CD70: variants seen among roughly 807,000 people sequenced by gnomAD.
CD70 encodes CD70 molecule, also known as CD70 antigen.
CD70 carries 6 observed loss-of-function variants against 9.0 expected under a neutral mutation model. The ratio of observed to expected loss-of-function variants is 0.67; its 90% CI spans 0.37 to 1.32. The LOEUF (loss-of-function observed/expected upper bound fraction) is 1.32, where lower values mean the gene tolerates loss of function less well. Among genes scored for constraint, CD70 ranks in the 40% most tolerant of loss-of-function variants. The probability of loss-of-function intolerance (pLI) is 0.02; values close to 1 mark genes in which losing one functional copy is unlikely to be tolerated. For synonymous variants in CD70, 108 were observed against 112.3 expected, an observed-to-expected ratio of 0.96 and a Z score of 0.24; for missense variants, 235 against 258.7, an observed-to-expected ratio of 0.91 and a Z score of 0.63.
chr19:6,582,606 A>C (rs1417817767), downstream of CD70, among the ~76,000 whole-genome samples: 2 of 151,358 alleles, frequency 1.3e-5, no homozygotes, highest in Non-Finnish European at 2.9e-5. Flanking sequence ...GAGTGAGAAC[A>C]TGCGGTGTTT....
downstream of CD70, chr19:6,583,188 A>C (rs12459776): frequency 0.015 from 8,255 of 556,800 alleles, 397 homozygotes; most frequent in Admixed American, 0.13. Flanking sequence ...GTCCACTACT[A>C]TGTAGATGAA....
chr19:6,583,052 G>A, downstream of CD70: 1 of 331,562 alleles, frequency 3.0e-6, no homozygotes, highest in Non-Finnish European at 5.5e-6. Flanking sequence ...AGATTTGTGA[G>A]GGCGGGTGGC....
Position 6,585,923 on chromosome 19 carries a change from C to G in CD70, c.*97G>C. 3 of 857,242 alleles carry G rather than the reference C, an allele frequency of 3.5e-6. No homozygotes were observed. The highest frequency in any genetic ancestry group is 5.3e-6 in the Non-Finnish European group (3 of 561,838). The allele number at this position is 857,242 out of a possible 1,614,324, so 53.1% of individuals were successfully genotyped here. ...TGCCACCACTACCCCCCACCACACT[C>G]CCACCCCAACCCCGGGTGGCCCCTG... On this transcript the variant is annotated 3_prime_UTR_variant, in exon 3 of 3. Transcript: ENST00000245903.
chr19:6,582,110 A>C (rs1414593895), downstream of CD70, among the ~76,000 whole-genome samples: 1 of 151,254 alleles, frequency 6.6e-6, no homozygotes. Flanking sequence ...GCTCACTGCA[A>C]CCTCTGCCTC....
chr19:6,585,917 C>T lies in CD70; in HGVS notation c.*103G>A. ...TTGTCCTGCCACCACTACCCCCCAC[C>T]ACACTCCCACCCCAACCCCGGGTGG... On this transcript the variant is annotated 3_prime_UTR_variant, in exon 3 of 3. Coordinates refer to ENST00000245903, the MANE Select transcript of CD70 (RefSeq NM_001252.5). The T allele has an allele frequency of 2.5e-6, 2 of 785,378 alleles. No individual in the cohort carries two copies. The highest frequency in any genetic ancestry group is 4.0e-6 in the Non-Finnish European group (2 of 499,044). The allele number at this position is 785,378 out of a possible 1,614,324, so 48.7% of individuals were successfully genotyped here.
At chr19:6,589,036 G>A (rs564500399) in intron 2 of CD70, among the ~76,000 whole-genome samples, 3 of 152,274 alleles carry the variant, frequency 2.0e-5, no homozygotes, top group South Asian at 4.2e-4. Flanking sequence ...CGAATGTGAA[G>A]GACTGAGAGG....
At chr19:6,587,452 G>A (rs1306885861) in intron 2 of CD70, among the ~76,000 whole-genome samples, 1 of 151,838 alleles carries the variant, frequency 6.6e-6, no homozygotes, top group African/African-American at 2.4e-5. Context: ...GAGCTACAGA[G>A]CTCGAGAGTG....
At position 6,590,976 on chromosome 19, in the gene CD70, C is replaced by A. The variant is rs763748622; in HGVS notation, c.27G>T (p.Ser9=). Residue 9 remains serine, a synonymous_variant, in exon 1 of 3, where the codon TCG becomes TCT. Coordinates refer to ENST00000245903, the MANE Select transcript of CD70 (RefSeq NM_001252.5). This position sits in a 1 kb window ranked among gnomAD's most constrained non-coding sequence, Gnocchi z 5.3. Reference sequence around the variant, plus strand: ...CGCACCCATAGGGCCTGCGCCGCACCGAGCAGCCCGAACCCTCCTCCGGCA... The same window carrying A: ...CGCACCCATAGGGCCTGCGCCGCACAGAGCAGCCCGAACCCTCCTCCGGCA... MPEEGSGC[S]VRRRPYGCVL... The A allele has an allele frequency of 3.7e-6, 6 of 1,611,370 alleles. No homozygotes were observed. The highest frequency in any genetic ancestry group is 5.1e-6 in the Non-Finnish European group (6 of 1,178,556).
downstream of CD70, chr19:6,583,345 A>G (rs762537554): frequency 8.6e-6 from 6 of 701,478 alleles, no homozygotes; most frequent in East Asian, 1.1e-4. Flanking sequence ...AATGGGAACA[A>G]TGATGATTCC....
chr19:6,586,107 G>T lies in CD70; in HGVS notation c.495C>A (p.Asp165Glu). ...SQRLTPLARGDTLCTNLTGTL... is the reference protein window; with the variant it reads ...SQRLTPLARGETLCTNLTGTL... ...TCCCAGTGAGGTTGGTGCAGAGTGT[G>T]TCCCCTCGGGCCAGGGGCGTCAGGC... The change falls in exon 3 of 3, where the codon GAC (aspartate) becomes GAA (glutamate). Residue 165 changes from aspartate to glutamate, a missense_variant. Transcript: ENST00000245903. The T allele has an allele frequency of 1.9e-6, 3 of 1,613,994 alleles. No individual in the cohort carries two copies. The highest frequency in any genetic ancestry group is 2.5e-6 in the Non-Finnish European group (3 of 1,179,878).
Position 6,590,998 on chromosome 19 carries a change from G to C in CD70, c.5C>G (p.Pro2Arg), listed in dbSNP as rs1291041315. The change falls in exon 1 of 3, where the codon CCG (proline) becomes CGG (arginine). Residue 2 changes from proline to arginine, a missense_variant. By Grantham distance (103) the Pro-to-Arg change is moderately radical. Coordinates refer to ENST00000245903, the MANE Select transcript of CD70 (RefSeq NM_001252.5). This position sits in a 1 kb window ranked among gnomAD's most constrained non-coding sequence, Gnocchi z 5.3. ...CACCGAGCAGCCCGAACCCTCCTCCGGCATCGCCGCGGCGATCACCTCCGC... is the reference window on the plus strand; with the variant it reads ...CACCGAGCAGCCCGAACCCTCCTCCCGCATCGCCGCGGCGATCACCTCCGC... Reference protein sequence around the residue: MPEEGSGCSVRR... With the variant: MREEGSGCSVRR... 6.3e-7 allele frequency: 1 copy of C among 1,591,110 alleles called. No homozygotes were observed. The highest frequency in any genetic ancestry group is 8.6e-7 in the Non-Finnish European group (1 of 1,166,350).
chr19:6,590,852 C>G lies in CD70; in HGVS notation c.151G>C (p.Glu51Gln). 1 of 1,612,808 alleles carries G rather than the reference C, an allele frequency of 6.2e-7. No individual in the cohort carries two copies. The highest frequency in any genetic ancestry group is 8.5e-7 in the Non-Finnish European group (1 of 1,179,480). The change falls in exon 1 of 3, where the codon GAG becomes CAG. Residue 51 changes from glutamate to glutamine, a missense_variant. Physicochemically the swap from Glu to Gln is conservative, Grantham distance 29. Coordinates refer to ENST00000245903, the MANE Select transcript of CD70 (RefSeq NM_001252.5). The surrounding 1 kb of genome is among the most constrained non-coding windows in gnomAD (Gnocchi z 5.3). ...CCATCTCAACTCACCCCAAGTGACTCGAGCGGCAGCTGCTGCTGAGCCTGT... is the reference window on the plus strand; with the variant it reads ...CCATCTCAACTCACCCCAAGTGACTGGAGCGGCAGCTGCTGCTGAGCCTGT... ...FAQAQQQLPL[E>Q]SLGWDVAELQ...
chr19:6,587,140 G>C (rs1046978490), intron 2 of CD70, among the ~76,000 whole-genome samples: 1 of 150,708 alleles, frequency 6.6e-6, no homozygotes, highest in Admixed American at 6.6e-5. Context: ...GAGAGAGCAC[G>C]AGAGAGCAGG....
In CD70 at chr19:6,590,999, G is replaced by A. The variant is rs1916147279; in HGVS notation, c.4C>T (p.Pro2Ser). Reference sequence around the variant, plus strand: ...ACCGAGCAGCCCGAACCCTCCTCCGGCATCGCCGCGGCGATCACCTCCGCT... The same window carrying A: ...ACCGAGCAGCCCGAACCCTCCTCCGACATCGCCGCGGCGATCACCTCCGCT... Reference protein sequence around the residue: MPEEGSGCSVRR... With the variant: MSEEGSGCSVRR... Residue 2 changes from proline to serine, a missense_variant, in exon 1 of 3, where the codon CCG becomes TCG. Physicochemically the swap from Pro to Ser is moderately conservative, Grantham distance 74. Coordinates refer to ENST00000245903, the MANE Select transcript of CD70 (RefSeq NM_001252.5). This position sits in a 1 kb window ranked among gnomAD's most constrained non-coding sequence, Gnocchi z 5.3. 2.5e-6 allele frequency: 4 copies of A among 1,590,496 alleles called. No homozygotes were observed. The African/African-American group carries it at 5.4e-5, about 21-fold the overall frequency.
intron 2 of CD70, among the ~76,000 whole-genome samples, chr19:6,586,902 CA>C (rs55803401): frequency 0.019 from 1,604 of 85,256 alleles, 9 homozygotes; most frequent in Middle Eastern, 0.044. Context: ...GAGAGAGAGA[CA>C]AAAAAAAAAA....
Position 6,586,011 on chromosome 19 carries a change from C to T in CD70, c.*9G>A, listed in dbSNP as rs769627285. On this transcript the variant is annotated 3_prime_UTR_variant, in exon 3 of 3. Coordinates refer to ENST00000245903, the MANE Select transcript of CD70 (RefSeq NM_001252.5). ...ATAAAATTTAAAAAACCCTAATCAG[C>T]AGCAGTGGTCAGGGGCGCACCCACT... The T allele has an allele frequency of 1.7e-5, 27 of 1,588,006 alleles. No homozygotes were observed. The highest frequency in any genetic ancestry group is 2.2e-5 in the Non-Finnish European group (26 of 1,162,924).
chr19:6,583,808 T>C (rs1470509908), downstream of CD70, among the ~76,000 whole-genome samples: 3 of 125,632 alleles, frequency 2.4e-5, no homozygotes, highest in African/African-American at 8.7e-5. Flanking sequence ...TTTTTTTTTT[T>C]TGAGATGGAG....
At chr19:6,584,336 G>A (rs1018786100), downstream of CD70, among the ~76,000 whole-genome samples, 2 of 151,112 alleles carry the variant, frequency 1.3e-5, no homozygotes, top group Non-Finnish European at 3.0e-5. Context: ...GGTGAAGCCC[G>A]TCTCTACTAA....
downstream of CD70, among the ~76,000 whole-genome samples, chr19:6,584,968 A>C (rs1003965310): frequency 6.6e-6 from 1 of 152,054 alleles, no homozygotes; most frequent in Non-Finnish European, 1.5e-5. Context: ...GTACATGTGC[A>C]GGATGTGTAG....
Sources: allele counts gnomAD v4.1 joint callset (sites outside exome capture counted in the v4.1 genomes callset), GRCh38; gene constraint gnomAD v4.1.1; non-coding constraint Gnocchi (gnomAD v3.1); transcripts MANE v1.5; gene names NCBI Gene and HGNC (gene_info 2026-07-23, HGNC 2026-07-21).